GNA12: variants seen among roughly 807,000 people sequenced by gnomAD.
GNA12 encodes the protein guanine nucleotide-binding protein subunit alpha-12.
Under a neutral mutation model 26.0 loss-of-function variants are expected in GNA12, and 9 were observed. The ratio of observed to expected loss-of-function variants is 0.35; its 90% CI spans 0.21 to 0.60. The LOEUF is 0.60. Ranked by LOEUF, GNA12 falls within the 20% of genes least tolerant of loss-of-function variation. The probability of loss-of-function intolerance (pLI) is 0.78; values close to 1 mark genes in which losing one functional copy is unlikely to be tolerated. For synonymous variants in GNA12, 264 were observed against 219.6 expected, an observed-to-expected ratio of 1.20 and a Z score of -1.79; for missense variants, 405 against 525.8, an observed-to-expected ratio of 0.77 and a Z score of 2.25.
At chr7:2,754,538 CTCGAAA>C (rs1421039200) in intron 2 of GNA12, among the ~76,000 whole-genome samples, 1 of 151,306 alleles carries the variant, frequency 6.6e-6, no homozygotes, top group Non-Finnish European at 1.5e-5. Flanking sequence ...AGCTTAGGGG[CTCGAAA>C]CCAACCTGGG....
Position 2,825,324 on chromosome 7 carries a change from C to G in GNA12, c.309+18529G>C, listed in dbSNP as rs535165865. Among the ~76,000 whole-genome samples the G allele has an allele frequency of 1.6e-4, 24 of 152,190 alleles. No individual in the cohort carries two copies. The South Asian group carries it at 1.7e-3, about 11-fold the overall frequency. ...CTGGCCAACCAGAAGCCAGAAAGCACAACACTCGCTGCTACAATCTATACA... is the reference window on the plus strand; with the variant it reads ...CTGGCCAACCAGAAGCCAGAAAGCAGAACACTCGCTGCTACAATCTATACA... On this transcript the variant is annotated intron_variant, in intron 1 of 3. Coordinates refer to ENST00000275364, the MANE Select transcript of GNA12 (RefSeq NM_007353.3).
At chr7:2,746,442 C>G (rs981224498) in intron 2 of GNA12, among the ~76,000 whole-genome samples, 22 of 152,186 alleles carry the variant, frequency 1.4e-4, no homozygotes, top group African/African-American at 5.3e-4. Flanking sequence ...GAAATGAAGG[C>G]AGAAATAAAG....
At chr7:2,762,339 GAC>G (rs1791600140) in intron 2 of GNA12, 1 of 364,238 alleles carries the variant, frequency 2.7e-6, no homozygotes, top group African/African-American at 2.1e-5. Context: ...ACTGCTGCTG[GAC>G]ACACACGATC....
chr7:2,786,920 CAG>C (rs936618203), intron 2 of GNA12, among the ~76,000 whole-genome samples: 1 of 152,170 alleles, frequency 6.6e-6, no homozygotes, highest in African/African-American at 2.4e-5. Context: ...TGTCTCCTGG[CAG>C]AGAGCCAAGC....
At chr7:2,748,644 G>A (rs1790880956) in intron 2 of GNA12, among the ~76,000 whole-genome samples, 1 of 152,142 alleles carries the variant, frequency 6.6e-6, no homozygotes, top group Non-Finnish European at 1.5e-5. Context: ...GGCAACAAAA[G>A]CCAAAATTGA....
At chr7:2,809,015 A>C (rs757789) in intron 1 of GNA12, among the ~76,000 whole-genome samples, 2 of 151,940 alleles carry the variant, frequency 1.3e-5, no homozygotes, top group African/African-American at 4.8e-5. Context: ...TGGGGCAGGG[A>C]AGCTTCTCAG....
intron 1 of GNA12, among the ~76,000 whole-genome samples, chr7:2,836,404 C>G (rs1488533136): frequency 6.6e-6 from 1 of 152,208 alleles, no homozygotes; most frequent in Non-Finnish European, 1.5e-5. Context: ...AGGCGGCAGG[C>G]TACCCAGCGA....
intron 2 of GNA12, among the ~76,000 whole-genome samples, chr7:2,774,153 C>T (rs564156988): frequency 1.6e-4 from 25 of 152,132 alleles, no homozygotes; most frequent in African/African-American, 5.8e-4. Context: ...GGGCACAGGT[C>T]ATTGTTTCCT....
intron 1 of GNA12, among the ~76,000 whole-genome samples, chr7:2,831,379 A>C (rs1351769440): frequency 6.6e-6 from 1 of 151,642 alleles, no homozygotes; most frequent in African/African-American, 2.4e-5. Context: ...CCCACCCTAA[A>C]ACTAAAATTA....
At chr7:2,826,779 A>G (rs938109765) in intron 1 of GNA12, among the ~76,000 whole-genome samples, 12 of 152,174 alleles carry the variant, frequency 7.9e-5, no homozygotes, top group African/African-American at 2.9e-4. Context: ...CCAGGGGTTG[A>G]GGGGAGACAG....
At chr7:2,742,983 A>T (rs1459895649) in intron 2 of GNA12, among the ~76,000 whole-genome samples, 1 of 152,260 alleles carries the variant, frequency 6.6e-6, no homozygotes. Flanking sequence ...AGCCACAGGC[A>T]TGGTGGTGTG....
intron 1 of GNA12, among the ~76,000 whole-genome samples, chr7:2,809,864 TAATA>T (rs1404981617): frequency 7.9e-5 from 12 of 152,358 alleles, no homozygotes; most frequent in South Asian, 2.1e-4. Context: ...GTATTGTTAG[TAATA>T]AATATTACTT....
chr7:2,837,276 T>A (rs1050546467), intron 1 of GNA12, among the ~76,000 whole-genome samples: 4 of 152,066 alleles, frequency 2.6e-5, no homozygotes, highest in African/African-American at 9.7e-5. Flanking sequence ...TTCCCTAGAA[T>A]CAGCAACGCC....
At chr7:2,834,546 G>T (rs1778774095) in intron 1 of GNA12, among the ~76,000 whole-genome samples, 7 of 152,160 alleles carry the variant, frequency 4.6e-5, no homozygotes, top group Admixed American at 4.6e-4. Context: ...AGATTTTGTT[G>T]AACTTGATCT....
At chr7:2,798,319 A>G (rs954572694) in intron 1 of GNA12, among the ~76,000 whole-genome samples, 1 of 152,256 alleles carries the variant, frequency 6.6e-6, no homozygotes, top group African/African-American at 2.4e-5. Context: ...TAGAATAAAC[A>G]AATGAATCCA....
chr7:2,747,307 A>G (rs181555672), intron 2 of GNA12, among the ~76,000 whole-genome samples: 42 of 152,346 alleles, frequency 2.8e-4, no homozygotes, highest in Admixed American at 2.7e-3. Context: ...CAGCACATCA[A>G]AAAGCTTATC....
At chr7:2,807,928 C>T (rs2115477073) in intron 1 of GNA12, among the ~76,000 whole-genome samples, 2 of 152,298 alleles carry the variant, frequency 1.3e-5, no homozygotes, top group African/African-American at 4.8e-5. Flanking sequence ...CGCGCAGAAA[C>T]CGCTCTGTGC....
At chr7:2,753,739 AT>A (rs986558087) in intron 2 of GNA12, among the ~76,000 whole-genome samples, 150 of 151,212 alleles carry the variant, frequency 9.9e-4, no homozygotes, top group African/African-American at 3.1e-3. Flanking sequence ...TGTATGTTTA[AT>A]TTTTTTTTCC....
At chr7:2,755,956 G>C (rs1438128945) in intron 2 of GNA12, among the ~76,000 whole-genome samples, 2 of 152,216 alleles carry the variant, frequency 1.3e-5, no homozygotes, top group Admixed American at 6.5e-5. Flanking sequence ...TTTTTTGGTA[G>C]AAATTGACAA....
Sources: allele counts gnomAD v4.1 joint callset (sites outside exome capture counted in the v4.1 genomes callset), GRCh38; gene constraint gnomAD v4.1.1; transcripts MANE v1.5; gene names NCBI Gene and HGNC (gene_info 2026-07-23, HGNC 2026-07-21).